Variants in DNAI7 observed in about 807,000 individuals in gnomAD.
The protein encoded by DNAI7 is cancer susceptibility 1.
DNAI7 carries 78 observed loss-of-function variants against 86.6 expected under a neutral mutation model. The ratio of observed to expected loss-of-function variants is 0.90; its 90% CI spans 0.75 to 1.09. The LOEUF is 1.09. Among genes scored for constraint, DNAI7 ranks in the 50% least tolerant of loss-of-function variants. The pLI is 0.00. For missense variants in DNAI7, 753 were observed against 810.2 expected (o/e 0.93, Z 0.86); for synonymous variants, 274 against 273.0 (o/e 1.00, Z -0.04).
chr12:25,186,617 T>C (rs1471514030), intron 2 of DNAI7, among the ~76,000 whole-genome samples: 1 of 152,128 alleles, frequency 6.6e-6, no homozygotes, highest in Non-Finnish European at 1.5e-5. Context: ...AAGTCCTTAG[T>C]GTCTGATGTT....
chr12:25,108,116 C>T (rs755999698), downstream of DNAI7: 67 of 1,571,952 alleles, frequency 4.3e-5, no homozygotes, highest in African/African-American at 3.7e-4. Context: ...ATCTGAACTT[C>T]GTAAATTAGT....
Position 25,155,322 on chromosome 12 carries a change from A to T in DNAI7, c.289T>A (p.Leu97Met). Residue 97 changes from leucine (L) to methionine (M), a missense_variant, in exon 5 of 16, where the codon TTG (leucine) becomes ATG (methionine). By Grantham distance (15) the Leu-to-Met change is conservative (BLOSUM62 2). Transcript: ENST00000395987. ...GAAATCAGTCCTACCTGAGAAAGCAATTTAGTTTCCTGTTTCAATTTCTCT... is the reference window on the plus strand; with the variant it reads ...GAAATCAGTCCTACCTGAGAAAGCATTTTAGTTTCCTGTTTCAATTTCTCT... The part of the protein sequence containing the change: ...EAEKLKQETK[L>M]LSQWKHYIQC... The T allele has an allele frequency of 6.3e-7, 1 of 1,590,240 alleles. No individual in the cohort carries two copies. The highest frequency in any genetic ancestry group is 1.1e-5 in the South Asian group (1 of 89,534).
intron 6 of DNAI7, 117 bp downstream of exon 6, chr12:25,154,202 C>A: frequency 1.3e-6 from 1 of 757,546 alleles, no homozygotes; most frequent in Non-Finnish European, 2.0e-6. Flanking sequence ...ACTTCTTTTG[C>A]TAAGGGTTCA....
chr12:25,141,833 A>T (rs1944230438), intron 9 of DNAI7, among the ~76,000 whole-genome samples: 1 of 71,230 alleles, frequency 1.4e-5, no homozygotes, highest in Admixed American at 1.9e-4. Context: ...CTGTCTCAAA[A>T]AAAGAAAAAA....
In DNAI7 at chr12:25,110,237, G is replaced by T; in HGVS notation, c.1783C>A (p.Pro595Thr). The T allele has an allele frequency of 6.4e-7, 1 of 1,567,088 alleles. No homozygotes were observed. The highest frequency in any genetic ancestry group is 8.8e-7 in the Non-Finnish European group (1 of 1,139,160). The stretch of plus-strand genomic sequence containing the variant: ...CGATAAGCTTTCACTTCTACCAAAG[G>T]AACCTGTCAATATAAAAACAAATAG... ...HFYVIINNKV[P>T]LVEVKAYRQM... Residue 595 changes from proline (P) to threonine (T), a missense_variant, in exon 15 of 16, where the codon CCT becomes ACT. Transcript: ENST00000395987.
rs761089444 is a variant in DNAI7 at position 25,190,611 on chromosome 12, T to C, written c.21+3A>G. On this transcript the variant is annotated splice_donor_region_variant and intron_variant, in intron 2 of 15. Transcript: ENST00000395987. Reference sequence around the variant, plus strand: ...TATCTATTTTGAAAAAAATTCTACATACCTTTTTTGCTTTGGGACCCTAAA... The same window carrying C: ...TATCTATTTTGAAAAAAATTCTACACACCTTTTTTGCTTTGGGACCCTAAA... The C allele has an allele frequency of 7.2e-7, 1 of 1,388,806 alleles. No homozygotes were observed. Among genetic ancestry groups the C allele is most frequent in the Admixed American group, 2.1e-5 (1 of 48,054 alleles). The allele number at this position is 1,388,806 out of a possible 1,614,324, so 86.0% of individuals were successfully genotyped here.
At chr12:25,171,722 A>C (rs1227936558) in intron 2 of DNAI7, among the ~76,000 whole-genome samples, 1 of 152,224 alleles carries the variant, frequency 6.6e-6, no homozygotes. Context: ...AAAATCCTTA[A>C]CAAAATACTA....
At chr12:25,132,301 A>T (rs919832323) in intron 9 of DNAI7, among the ~76,000 whole-genome samples, 5 of 152,184 alleles carry the variant, frequency 3.3e-5, no homozygotes, top group Admixed American at 2.0e-4. Flanking sequence ...CCACCAAAAG[A>T]TAGCCACTCT....
At chr12:25,186,841 T>C (rs1950085120) in intron 2 of DNAI7, among the ~76,000 whole-genome samples, 1 of 152,088 alleles carries the variant, frequency 6.6e-6, no homozygotes. Flanking sequence ...AAGTCAATCA[T>C]CTGAAGATTG....
chr12:25,119,383 G>A (rs1431371156), intron 11 of DNAI7, 82 bp from the exon 12 acceptor site: 1 of 801,386 alleles, frequency 1.2e-6, no homozygotes, highest in Non-Finnish European at 1.9e-6. Context: ...AAGTTATATA[G>A]TTATTTTTAA....
At chr12:25,114,108 G>A (rs764734355) in intron 13 of DNAI7, among the ~76,000 whole-genome samples, 1 of 151,952 alleles carries the variant, frequency 6.6e-6, no homozygotes, top group Non-Finnish European at 1.5e-5. Context: ...ACCACGCCTG[G>A]CTAATTTTTG....
At chr12:25,116,706 G>C (rs529939087) in intron 12 of DNAI7, among the ~76,000 whole-genome samples, 5 of 151,330 alleles carry the variant, frequency 3.3e-5, no homozygotes, top group Admixed American at 2.6e-4. Context: ...TGTTGGCCAG[G>C]CTGGTCTCGA....
In DNAI7 at chr12:25,108,343, A is replaced by G; in HGVS notation, c.*205T>C. ...GAATCATTTAAATCTTCATAGAGTGAAAGCTGAAATTCTTAACAGGCCAAG... is the reference window on the plus strand; with the variant it reads ...GAATCATTTAAATCTTCATAGAGTGGAAGCTGAAATTCTTAACAGGCCAAG... On this transcript the variant is annotated 3_prime_UTR_variant, in exon 16 of 16. Transcript: ENST00000395987. 1.8e-6 allele frequency: 1 copy of G among 547,462 alleles called. No homozygotes were observed. 33.9% of individuals were successfully genotyped at this position (547,462 alleles called of 1,614,324 possible).
At chr12:25,120,456 C>T (rs571486373) in intron 11 of DNAI7, among the ~76,000 whole-genome samples, 4 of 152,276 alleles carry the variant, frequency 2.6e-5, no homozygotes, top group Non-Finnish European at 4.4e-5. Context: ...GGCGCGGTGG[C>T]TCACGCCTGT....
chr12:25,178,341 G>A (rs1949161989), intron 2 of DNAI7, among the ~76,000 whole-genome samples: 1 of 151,896 alleles, frequency 6.6e-6, no homozygotes, highest in South Asian at 2.1e-4. Flanking sequence ...TTTTTTTCTG[G>A]CTATTTGTCT....
rs979200403 is a variant in DNAI7, at chr12:25,158,841, T to C, written c.107-278A>G. 5.9e-5 allele frequency: 23 copies of C among 388,194 alleles called. No homozygotes were observed. In the Admixed American group the frequency reaches 6.0e-4, roughly 10 times the overall value. 24.0% of individuals were successfully genotyped at this position (388,194 alleles called of 1,614,324 possible). ...TGCAGCCAACAGACACATGAAAAAATGTTCATCACCACTGGTCATCAGAGA... is the reference window on the plus strand; with the variant it reads ...TGCAGCCAACAGACACATGAAAAAACGTTCATCACCACTGGTCATCAGAGA... On this transcript the variant is annotated intron_variant, in intron 3 of 15. Transcript: ENST00000395987.
chr12:25,189,541 C>T (rs896736456), intron 2 of DNAI7, among the ~76,000 whole-genome samples: 7 of 150,186 alleles, frequency 4.7e-5, no homozygotes, highest in Non-Finnish European at 8.9e-5. Flanking sequence ...AATCAAGAGG[C>T]TGAGGTGGGA....
At chr12:25,176,157 T>A (rs1565817942) in intron 2 of DNAI7, among the ~76,000 whole-genome samples, 1 of 152,192 alleles carries the variant, frequency 6.6e-6, no homozygotes, top group Non-Finnish European at 1.5e-5. Flanking sequence ...CAAGCTTTTT[T>A]AAAATAAAAA....
At chr12:25,191,782 A>G (rs892840594) in intron 1 of DNAI7, among the ~76,000 whole-genome samples, 3 of 152,224 alleles carry the variant, frequency 2.0e-5, no homozygotes, top group African/African-American at 7.2e-5. Context: ...TTTAAGGCAG[A>G]TCTATTCTTT....
Sources: gnomAD v4.1 joint callset for allele counts (sites outside exome capture counted in the v4.1 genomes callset) on GRCh38, gnomAD v4.1.1 for gene constraint, MANE v1.5 for transcripts, NCBI Gene and HGNC (gene_info 2026-07-23, HGNC 2026-07-21) for gene names.